COL6A3: variants seen among roughly 807,000 people sequenced by gnomAD.
COL6A3 encodes the protein collagen type VI alpha 3 chain, also known as collagen alpha-3(VI) chain.
COL6A3 carries 137 observed loss-of-function variants against 274.1 expected under a neutral mutation model. The ratio of observed to expected loss-of-function variants is 0.50; its 90% CI spans 0.44 to 0.58. The LOEUF is 0.58. Among genes scored for constraint, COL6A3 ranks in the 20% least tolerant of loss-of-function variants. The pLI is 0.00. For missense variants in COL6A3, 3,950 were observed against 4,124.9 expected (o/e 0.96, Z 1.16); for synonymous variants, 1,650 against 1,650.6 (o/e 1.00, Z 0.01).
chr2:237,354,011 AT>A (rs369802051), intron 24 of COL6A3, among the ~76,000 whole-genome samples: 5,731 of 142,038 alleles, frequency 0.04, 104 homozygotes, highest in African/African-American at 0.048. Context: ...GCTACAAAGA[AT>A]TTTTTTTTTT....
Position 237,351,123 on chromosome 2 carries a change from GACAA to G in COL6A3, c.6816+3_6816+6del. 1 of 1,614,154 alleles carries G rather than the reference GACAA, an allele frequency of 6.2e-7. No homozygotes were observed. The highest frequency in any genetic ancestry group is 2.2e-5 in the East Asian group (1 of 44,886). ...CTCAGGAAAGCTCTACCTTTCTAAA[GACAA>G]ACCTTTCTTCCCAGTGGACCGGTTC... On this transcript the variant is annotated splice_donor_5th_base_variant and intron_variant, in intron 27 of 43. Transcript: ENST00000295550.
chr2:237,345,241 A>G, intron 32 of COL6A3, 28 bp from the exon 33 acceptor site: 1 of 1,612,654 alleles, frequency 6.2e-7, no homozygotes, highest in Non-Finnish European at 8.5e-7. Flanking sequence ...GAAAGGTGAG[A>G]GGCACAGCAG....
intron 12 of COL6A3, among the ~76,000 whole-genome samples, chr2:237,365,318 G>A (rs919500814): frequency 6.6e-6 from 1 of 151,764 alleles, no homozygotes; most frequent in Non-Finnish European, 1.5e-5. Context: ...ATGATCCCTA[G>A]CAAACTCACA....
At chr2:237,360,241 T>A in intron 16 of COL6A3, 82 bp from the exon 17 acceptor site, 1 of 1,328,192 alleles carries the variant, frequency 7.5e-7, no homozygotes, top group Non-Finnish European at 1.1e-6. Flanking sequence ...GCGTAAAGGG[T>A]ACTGTGAACA....
chr2:237,403,033 G>T (rs2078631217), intron 1 of COL6A3, among the ~76,000 whole-genome samples: 1 of 152,190 alleles, frequency 6.6e-6, no homozygotes, highest in African/African-American at 2.4e-5. Context: ...GCCATGAATG[G>T]AGCAGCAGAC....
In COL6A3 at chr2:237,333,538, C is replaced by T. The variant is rs1700374959; in HGVS notation, c.9240G>A (p.Gln3080=). Residue 3080 remains glutamine (Q), a synonymous_variant, in exon 42 of 44, where the codon CAG becomes CAA. Transcript: ENST00000295550. The part of the protein sequence containing the change: ...YHGSFSTKKS[Q]PPPPQPARSA... ...ACCTTGCTGGCTGTGGAGGTGGGGG[C>T]TGAGATTTCTCTATAAAAGAAAAAT... is the stretch of plus-strand genomic sequence containing the variant. The T allele has an allele frequency of 6.2e-7, 1 of 1,613,946 alleles. No individual in the cohort carries two copies. The highest frequency in any genetic ancestry group is 8.5e-7 in the Non-Finnish European group (1 of 1,179,968).
At chr2:237,334,512 T>TG in intron 41 of COL6A3, 114 bp downstream of exon 41, 7 of 1,219,710 alleles carry the variant, frequency 5.7e-6, no homozygotes, top group Non-Finnish European at 7.1e-6. Context: ...CTGTTGTTGT[T>TG]TTTTGAATTT....
At position 237,352,536 on chromosome 2, in the gene COL6A3, T is replaced by G. The variant is rs1473692842; in HGVS notation, c.6739A>C (p.Ile2247Leu). Reference sequence around the variant, plus strand: ...GACAGGCTTACCCGAGGTCCAGAAATGCCTTGTTCTCCTATCAGCCCTGGA... The same window carrying G: ...GACAGGCTTACCCGAGGTCCAGAAAGGCCTTGTTCTCCTATCAGCCCTGGA... ...GPPGLIGEQG[I>L]SGPRGSGGAA... Residue 2247 changes from isoleucine (I) to leucine (L), a missense_variant, in exon 26 of 44, where the codon ATT becomes CTT. By Grantham distance (5) the Ile-to-Leu change is conservative (BLOSUM62 2). Coordinates refer to ENST00000295550, the MANE Select transcript of COL6A3 (RefSeq NM_004369.4). 6.2e-7 allele frequency: 1 copy of G among 1,612,956 alleles called. No homozygotes were observed. The highest frequency in any genetic ancestry group is 1.3e-5 in the African/African-American group (1 of 74,880).
At position 237,353,423 on chromosome 2, in the gene COL6A3, G is replaced by T. The variant is rs370705945; in HGVS notation, c.6628-20C>A. On this transcript the variant is annotated intron_variant, in intron 24 of 43. Coordinates refer to ENST00000295550, the MANE Select transcript of COL6A3 (RefSeq NM_004369.4). The stretch of plus-strand genomic sequence containing the variant: ...GTTGCCCTTTGAAATAAGAGAAGAT[G>T]CAGGGAGGAGTCAGGATGGTTCCTG... The T allele has an allele frequency of 1.9e-6, 3 of 1,610,560 alleles. No individual in the cohort carries two copies. Among genetic ancestry groups the T allele is most frequent in the Non-Finnish European group, 2.5e-6 (3 of 1,177,274 alleles).
chr2:237,362,957 T>C (rs2077470190), intron 14 of COL6A3, among the ~76,000 whole-genome samples: 1 of 152,164 alleles, frequency 6.6e-6, no homozygotes, highest in Non-Finnish European at 1.5e-5. Flanking sequence ...ATCCCTGCAA[T>C]GGTGTTAAAA....
chr2:237,346,095 G>A (rs1574950998), intron 32 of COL6A3, among the ~76,000 whole-genome samples: 1 of 152,274 alleles, frequency 6.6e-6, no homozygotes, highest in Middle Eastern at 3.4e-3. Context: ...CACAAATCAG[G>A]AGCTCCCTTG....
chr2:237,376,881 C>T lies in COL6A3; in HGVS notation c.2961G>A (p.Val987=). Reference sequence around the variant, plus strand: ...CAGCCAGGATAAACGCTGGAGACAGCACGATCTGCTCTAACTCAGCAGGGT... The same window carrying T: ...CAGCCAGGATAAACGCTGGAGACAGTACGATCTGCTCTAACTCAGCAGGGT... The part of the protein sequence containing the change: ...NADPAELEQI[V]LSPAFILAAE... Residue 987 remains valine, a synonymous_variant, in exon 7 of 44, where the codon GTG becomes GTA. Coordinates refer to ENST00000295550, the MANE Select transcript of COL6A3 (RefSeq NM_004369.4). 6.2e-7 allele frequency: 1 copy of T among 1,614,228 alleles called. No individual in the cohort carries two copies. The highest frequency in any genetic ancestry group is 8.5e-7 in the Non-Finnish European group (1 of 1,180,052).
chr2:237,401,069 G>A (rs556213073), intron 1 of COL6A3, among the ~76,000 whole-genome samples: 1 of 152,264 alleles, frequency 6.6e-6, no homozygotes, highest in African/African-American at 2.4e-5. Flanking sequence ...CTTAAAGACA[G>A]ACATATGAAC....
At chr2:237,389,865 A>C (rs1391667797) in intron 3 of COL6A3, among the ~76,000 whole-genome samples, 1 of 152,208 alleles carries the variant, frequency 6.6e-6, no homozygotes, top group African/African-American at 2.4e-5. Context: ...TGCCACACAA[A>C]AGTTTTATAT....
At chr2:237,387,462 G>A in intron 4 of COL6A3, 120 bp downstream of exon 4, 2 of 1,455,750 alleles carry the variant, frequency 1.4e-6, no homozygotes, top group Non-Finnish European at 1.9e-6. Flanking sequence ...GGGAAGGACT[G>A]GACTGTGGGT....
intron 3 of COL6A3, among the ~76,000 whole-genome samples, chr2:237,393,235 A>T (rs1456137224): frequency 1.3e-5 from 2 of 152,198 alleles, no homozygotes; most frequent in Non-Finnish European, 2.9e-5. Context: ...AAAGGCAGGG[A>T]TCCACACTAA....
rs1219109919 is a variant in COL6A3 at position 237,360,013 on chromosome 2, C to T, written c.6282+75G>A. 3 of 1,485,866 alleles carry T rather than the reference C, an allele frequency of 2.0e-6. No individual in the cohort carries two copies. In the African/African-American group the frequency reaches 4.2e-5, roughly 21 times the overall value. 92.0% of individuals were successfully genotyped at this position (1,485,866 alleles called of 1,614,324 possible). A position where few individuals can be genotyped will look rare whatever the true frequency, so the allele number is the denominator to read the frequency against. ...AAGAAGCCTGGACCAGCGCCTCCCT[C>T]CCTGGCAGCATCTGGAGAAACTGCG... On this transcript the variant is annotated intron_variant, in intron 17 of 43. Coordinates refer to ENST00000295550, the MANE Select transcript of COL6A3 (RefSeq NM_004369.4).
rs368800027 is a variant in COL6A3 at position 237,387,748 on chromosome 2, C to T, written c.1146G>A (p.Gln382=). 4.2e-5 allele frequency: 67 copies of T among 1,613,968 alleles called. No homozygotes were observed. In the African/African-American group the frequency reaches 8.8e-4, roughly 21 times the overall value. The stretch of plus-strand genomic sequence containing the variant: ...GCTGAAGCTCTGCCCTGGAGGCGGC[C>T]TGGGCTCCAAGGCCGAATGAGAACA... ...ASVFSFGLGA[Q]AASRAELQHI... Residue 382 remains glutamine, a synonymous_variant, in exon 4 of 44, where the codon CAG becomes CAA. Transcript: ENST00000295550.
intron 25 of COL6A3, 83 bp from the exon 26 acceptor site, chr2:237,352,667 G>A (rs530123176): frequency 7.4e-7 from 1 of 1,343,822 alleles, no homozygotes; most frequent in Admixed American, 1.9e-5. Flanking sequence ...CCATCCCACA[G>A]GGCCTGGAAC....
Sources: gnomAD v4.1 joint callset for allele counts (sites outside exome capture counted in the v4.1 genomes callset) on GRCh38, gnomAD v4.1.1 for gene constraint, MANE v1.5 for transcripts, NCBI Gene and HGNC (gene_info 2026-07-23, HGNC 2026-07-21) for gene names.